Variants in PPP2R5C observed in about 807,000 individuals in gnomAD.
PPP2R5C encodes the protein serine/threonine-protein phosphatase 2A 56 kDa regulatory subunit gamma isoform.
In PPP2R5C, 7 loss-of-function variants were observed where a neutral mutation model predicts 68.9. The ratio of observed to expected loss-of-function variants is 0.10; its 90% confidence interval spans 0.06 to 0.19. PPP2R5C has a LOEUF of 0.19. PPP2R5C is among the 10% of genes least tolerant of loss of function. The pLI is 1.00. For missense variants in PPP2R5C, 348 were observed against 641.3 expected (o/e 0.54, Z 4.94); for synonymous variants, 210 against 222.2 (o/e 0.95, Z 0.49).
chr14:101,839,895 C>G (rs1053283090), intron 1 of PPP2R5C, among the ~76,000 whole-genome samples: 1 of 152,012 alleles, frequency 6.6e-6, no homozygotes, highest in Admixed American at 6.5e-5. Flanking sequence ...TCCGCACACA[C>G]TCGGAGATGC....
chr14:101,901,562 A>G (rs978679558), intron 8 of PPP2R5C, among the ~76,000 whole-genome samples, 157 bp from the exon 11 acceptor site: 5 of 152,240 alleles, frequency 3.3e-5, no homozygotes, highest in South Asian at 4.1e-4. Context: ...AAAATCACAT[A>G]TGATGACTGA....
At chr14:101,858,334 C>T (rs917665174) in intron 2 of PPP2R5C, among the ~76,000 whole-genome samples, 4 of 151,756 alleles carry the variant, frequency 2.6e-5, no homozygotes, top group African/African-American at 9.7e-5. Context: ...AATCTTTTTT[C>T]TTTTAGGTAT....
At chr14:101,889,265 G>T (rs1324829727) in intron 5 of PPP2R5C, among the ~76,000 whole-genome samples, 2 of 152,122 alleles carry the variant, frequency 1.3e-5, no homozygotes, top group Non-Finnish European at 2.9e-5. Flanking sequence ...CATCTGATGG[G>T]CAGGGATCTT....
intron 5 of PPP2R5C, chr14:101,889,760 AC>A (rs1397425069): frequency 6.1e-6 from 2 of 325,550 alleles, no homozygotes; most frequent in African/African-American, 4.4e-5. Flanking sequence ...TTCAGGAATC[AC>A]TTCTACCCTT....
intron 2 of PPP2R5C, among the ~76,000 whole-genome samples, chr14:101,776,848 A>AT (rs2037444521): frequency 6.7e-6 from 1 of 150,282 alleles, no homozygotes; most frequent in Non-Finnish European, 1.5e-5. Context: ...TTCAAGGTCC[A>AT]TCCATGTTGT....
intron 1 of PPP2R5C, among the ~76,000 whole-genome samples, chr14:101,810,921 G>A (rs1034648748): frequency 1.3e-5 from 2 of 152,136 alleles, no homozygotes; most frequent in African/African-American, 4.8e-5. Flanking sequence ...GGGTGAAATA[G>A]AAAAATGATT....
chr14:101,898,693 C>T (rs1288923897), intron 8 of PPP2R5C, among the ~76,000 whole-genome samples: 3 of 152,160 alleles, frequency 2.0e-5, no homozygotes, highest in Admixed American at 1.3e-4. Context: ...TGTTCCCACC[C>T]GGGGACACTT....
At chr14:101,856,508 G>A (rs1057208134) in intron 1 of PPP2R5C, among the ~76,000 whole-genome samples, 178 bp from the exon 4 acceptor site, 1 of 136,432 alleles carries the variant, frequency 7.3e-6, no homozygotes, top group Non-Finnish European at 1.6e-5. Flanking sequence ...TATGACCAGC[G>A]ACTAGCTGGG....
intron 2 of PPP2R5C, among the ~76,000 whole-genome samples, chr14:101,873,141 TA>T: frequency 6.6e-6 from 1 of 152,344 alleles, no homozygotes; most frequent in East Asian, 1.9e-4. Context: ...TGTGTCTTTT[TA>T]AAATATCTTT....
At position 101,901,706 on chromosome 14, in the gene PPP2R5C, A is replaced by ATTTCT. The variant is rs765834037; in HGVS notation, c.853-9_853-5dup. 3.7e-6 allele frequency: 6 copies of ATTTCT among 1,612,554 alleles called. No homozygotes were observed. The highest frequency in any genetic ancestry group is 2.2e-5 in the South Asian group (2 of 91,024). On this transcript the variant is annotated splice_polypyrimidine_tract_variant and intron_variant, in intron 8 of 13. Coordinates refer to ENST00000334743, the Ensembl canonical transcript of PPP2R5C. Reference sequence around the variant, plus strand: ...GTGGGCATCAGTCACTCCACGTGTCATTTCTTTTGTAGGTGGTGATGGCAC... The same window carrying ATTTCT: ...GTGGGCATCAGTCACTCCACGTGTCATTTCTTTTCTTTTGTAGGTGGTGATGGCAC...
chr14:101,765,516 T>A, intron 2 of PPP2R5C: 1 of 423,296 alleles, frequency 2.4e-6, no homozygotes, highest in Non-Finnish European at 4.3e-6. Flanking sequence ...AACTTGAATA[T>A]TTTAACCTGA....
intron 1 of PPP2R5C, among the ~76,000 whole-genome samples, chr14:101,811,086 C>T (rs1297100598): frequency 6.6e-6 from 1 of 152,102 alleles, no homozygotes; most frequent in African/African-American, 2.4e-5. Context: ...TTTTCAGATC[C>T]TAGGGTGTAC....
chr14:101,796,975 G>A (rs1021841365), intron 3 of PPP2R5C: 2 of 348,978 alleles, frequency 5.7e-6, no homozygotes, highest in South Asian at 4.3e-5. Context: ...CCATTCATAA[G>A]TGTACAACTC....
chr14:101,926,932 G>A (rs930254827), exon 14 of PPP2R5C: 4 of 152,044 alleles, frequency 2.6e-5, no homozygotes, highest in East Asian at 1.9e-4. Context: ...GGACAAGTCC[G>A]CTTTGTGAGA....
chr14:101,894,609 A>C (rs780581127), intron 8 of PPP2R5C, 49 bp downstream of exon 10: 1 of 1,532,854 alleles, frequency 6.5e-7, no homozygotes, highest in Non-Finnish European at 9.0e-7. Flanking sequence ...ATTTCACTAA[A>C]TGTAAATATT....
At chr14:101,793,659 A>T (rs189816728) in intron 3 of PPP2R5C, among the ~76,000 whole-genome samples, 184 of 152,356 alleles carry the variant, frequency 1.2e-3, no homozygotes, top group African/African-American at 4.1e-3. Flanking sequence ...CCATCCATGG[A>T]TGACTTAAGT....
intron 1 of PPP2R5C, chr14:101,820,678 T>C (rs557558430): frequency 1.3e-5 from 2 of 152,210 alleles, no homozygotes; most frequent in South Asian, 2.1e-4. Flanking sequence ...TGAACCAGAA[T>C]AGCATATCAC....
At chr14:101,761,418 GGAGGCCGCGGCCTGCCT>G (rs2036517554), upstream of PPP2R5C, among the ~76,000 whole-genome samples, 1 of 151,796 alleles carries the variant, frequency 6.6e-6, no homozygotes, top group South Asian at 2.1e-4. Context: ...CCCCGCGCCA[GGAGGCCGCGGCCTGCCT>G]GAGGCCGGCT....
chr14:101,767,670 T>C (rs2036928006), intron 2 of PPP2R5C, among the ~76,000 whole-genome samples: 1 of 152,266 alleles, frequency 6.6e-6, no homozygotes, highest in Non-Finnish European at 1.5e-5. Context: ...GTAATGATTA[T>C]GGAGTAAATG....
Sources: gnomAD v4.1 joint callset for allele counts (sites outside exome capture counted in the v4.1 genomes callset) on GRCh38, gnomAD v4.1.1 for gene constraint, MANE v1.5 for transcripts, NCBI Gene and HGNC (gene_info 2026-07-23, HGNC 2026-07-21) for gene names.